The following PTPRA variants were observed in gnomAD, a reference collection of about 807,000 sequenced individuals.
The protein encoded by PTPRA is receptor-type tyrosine-protein phosphatase alpha.
In PTPRA, 25 loss-of-function variants were observed where a neutral mutation model predicts 104.8. That is an observed-to-expected ratio of 0.24 (90% CI 0.17 to 0.33). The LOEUF (loss-of-function observed/expected upper bound fraction) is 0.33, where lower values mean the gene tolerates loss of function less well. Among genes scored for constraint, PTPRA ranks in the 10% least tolerant of loss-of-function variants. The pLI is 1.00. For missense variants in PTPRA, 765 were observed against 1,015.3 expected (o/e 0.75, Z 3.35); for synonymous variants, 323 against 368.9 (o/e 0.88, Z 1.43).
chr20:2,864,509 G>A, the PTPRA span: 21 of 1,614,144 alleles, frequency 1.3e-5, no homozygotes, highest in Non-Finnish European at 1.7e-5. This position sits in a 1 kb window ranked among gnomAD's most constrained non-coding sequence, Gnocchi z 5.2. Context: ...GAGCACTTGA[G>A]TTGGCCTTGC....
chr20:2,924,584 A>G (rs887469601), intron 2 of PTPRA, among the ~76,000 whole-genome samples: 1 of 152,220 alleles, frequency 6.6e-6, no homozygotes, highest in Non-Finnish European at 1.5e-5. Context: ...GTAAAACTAA[A>G]CTACAGTGAT....
chr20:2,910,600 GT>G (rs1324636448), intron 1 of PTPRA, among the ~76,000 whole-genome samples: 3 of 64,430 alleles, frequency 4.7e-5, no homozygotes, highest in Non-Finnish European at 5.3e-5. Flanking sequence ...TTTTTTTTTT[GT>G]TTTTTTTAAT....
rs192706426 is a variant in PTPRA at position 2,992,793 on chromosome 20, C to T, written c.738+4319C>T. Among the ~76,000 whole-genome samples the T allele has an allele frequency of 3.3e-5, 5 of 152,374 alleles. No individual in the cohort carries two copies. The East Asian group carries it at 9.6e-4, about 29-fold the overall frequency. ...AGGAGCACTTTCTCTTTTCAGATCA[C>T]TCAATAAATTGGTCAGAGGCTGGGC... On this transcript the variant is annotated intron_variant, in intron 9 of 23. Transcript: ENST00000399903.
At chr20:2,878,485 C>A (rs1342109353) in intron 1 of PTPRA, among the ~76,000 whole-genome samples, 1 of 152,240 alleles carries the variant, frequency 6.6e-6, no homozygotes, top group Middle Eastern at 3.2e-3. Context: ...GCTGGGATTA[C>A]AGGTGTGAGC....
chr20:2,866,527 A>G, the PTPRA span: 1 of 1,614,188 alleles, frequency 6.2e-7, no homozygotes, highest in South Asian at 1.1e-5. Flanking sequence ...AGATGGGGCC[A>G]CAGCTGACAA....
chr20:2,885,183 G>A (rs1202726431), intron 1 of PTPRA, among the ~76,000 whole-genome samples: 1 of 152,162 alleles, frequency 6.6e-6, no homozygotes, highest in East Asian at 1.9e-4. Flanking sequence ...GAGTGTATCA[G>A]TTTCTCCATA....
At chr20:2,915,711 A>T (rs569340378) in intron 1 of PTPRA, among the ~76,000 whole-genome samples, 1 of 152,260 alleles carries the variant, frequency 6.6e-6, no homozygotes, top group East Asian at 1.9e-4. Flanking sequence ...TTTTAGACCA[A>T]GCGCGGTGGC....
At chr20:2,886,553 A>G (rs1008297063) in intron 1 of PTPRA, among the ~76,000 whole-genome samples, 2 of 152,148 alleles carry the variant, frequency 1.3e-5, no homozygotes, top group Admixed American at 6.5e-5. Flanking sequence ...TGTTAGAAAT[A>G]GAAAAATGTG....
intron 17 of PTPRA, 131 bp downstream of exon 17, chr20:3,024,752 C>T: frequency 1.8e-6 from 2 of 1,116,452 alleles, no homozygotes; most frequent in Non-Finnish European, 2.6e-6. Flanking sequence ...GGAGATGGTC[C>T]TTTCCTCGTA....
At chr20:2,964,385 T>G in intron 4 of PTPRA, 35 bp downstream of exon 4, 1 of 1,516,660 alleles carries the variant, frequency 6.6e-7, no homozygotes, top group Non-Finnish European at 8.9e-7. Flanking sequence ...CTATTTGAAA[T>G]GAAATTTTGC....
chr20:2,916,387 T>C (rs2059905728), intron 1 of PTPRA, among the ~76,000 whole-genome samples: 1 of 152,200 alleles, frequency 6.6e-6, no homozygotes, highest in African/African-American at 2.4e-5. Context: ...ATTCATTCTT[T>C]TGCATGTGAA....
rs372718078 is a variant in PTPRA, at chr20:2,908,576, A to G, written c.-128-14631A>G. 5.9e-5 allele frequency among the ~76,000 whole-genome samples: 9 copies of G among 152,102 alleles called. No homozygotes were observed. The East Asian group carries it at 1.2e-3, about 20-fold the overall frequency. ...CTATCTTGTCTTGATAAAATAATGC[A>G]TACCCTCCACTGTGCCTTAAAAGCA... On this transcript the variant is annotated intron_variant, in intron 1 of 23. Transcript: ENST00000399903.
chr20:2,923,122 C>T (rs781456984), intron 1 of PTPRA, 85 bp from the exon 2 acceptor site: 5 of 490,174 alleles, frequency 1.0e-5, no homozygotes, highest in Non-Finnish European at 1.5e-5. Context: ...TTGCATGTTG[C>T]CTAGGCTGGG....
At chr20:2,870,106 C>T (rs1293555728), upstream of PTPRA, among the ~76,000 whole-genome samples, 1 of 151,426 alleles carries the variant, frequency 6.6e-6, no homozygotes, top group Non-Finnish European at 1.5e-5. Context: ...CAGTGGTTCA[C>T]CCCTGTAATC....
intron 1 of PTPRA, among the ~76,000 whole-genome samples, chr20:2,896,631 T>G (rs1309820154): frequency 6.6e-6 from 1 of 152,220 alleles, no homozygotes; most frequent in Non-Finnish European, 1.5e-5. Flanking sequence ...GTGTGTTTCC[T>G]GAAAACAAGG....
intron 6 of PTPRA, 21 bp downstream of exon 6, chr20:2,975,262 C>T (rs761075965): frequency 1.9e-6 from 3 of 1,579,238 alleles, no homozygotes; most frequent in African/African-American, 2.7e-5. Flanking sequence ...CACCTTATAT[C>T]TGTTGTTCCT....
At chr20:2,865,009 C>T in the PTPRA span, 4 of 1,614,168 alleles carry the variant, frequency 2.5e-6, no homozygotes, top group Non-Finnish European at 3.4e-6. This position sits in a 1 kb window ranked among gnomAD's most constrained non-coding sequence, Gnocchi z 5.2. Context: ...GCTCTGCAGA[C>T]AGCCGCCGAT....
At chr20:2,947,827 G>T (rs934321348) in intron 2 of PTPRA, among the ~76,000 whole-genome samples, 155 bp from the exon 3 acceptor site, 1 of 152,160 alleles carries the variant, frequency 6.6e-6, no homozygotes, top group Non-Finnish European at 1.5e-5. Flanking sequence ...CCTAATTTTT[G>T]TGAAATTATG....
Position 3,035,889 on chromosome 20 carries a change from G to T in PTPRA, c.2146G>T (p.Val716Leu). 1 of 1,614,066 alleles carries T rather than the reference G, an allele frequency of 6.2e-7. No individual in the cohort carries two copies. The highest frequency in any genetic ancestry group is 1.3e-5 in the African/African-American group (1 of 75,064). The part of the protein sequence containing the change: ...GKGMISIIAA[V>L]QKQQQQSGNH... The stretch of plus-strand genomic sequence containing the variant: ...GGGCATGATCAGCATCATCGCCGCC[G>T]TGCAGAAGCAGCAGCAGCAGTCAGG... Residue 716 changes from valine (V) to leucine (L), a missense_variant, in exon 22 of 24, where the codon GTG (valine) becomes TTG (leucine). By Grantham distance (32) the Val-to-Leu change is conservative. Coordinates refer to ENST00000399903, the MANE Select transcript of PTPRA (RefSeq NM_001385305.1). This position sits in a 1 kb window ranked among gnomAD's most constrained non-coding sequence, Gnocchi z 5.8.
Sources: allele counts gnomAD v4.1 joint callset (sites outside exome capture counted in the v4.1 genomes callset), GRCh38; gene constraint gnomAD v4.1.1; non-coding constraint Gnocchi (gnomAD v3.1); transcripts MANE v1.5; gene names NCBI Gene and HGNC (gene_info 2026-07-23, HGNC 2026-07-21).